The following CR1 variants were observed in gnomAD, a reference collection of about 807,000 sequenced individuals.
The protein encoded by CR1 is complement receptor type 1.
A neutral mutation model predicts 187.3 loss-of-function variants in CR1; 116 were observed. That is an observed-to-expected ratio of 0.62 (90% CI 0.53 to 0.72). The LOEUF is 0.72. CR1 is among the 30% of genes least tolerant of loss of function. The pLI, the probability that CR1 is intolerant of heterozygous loss-of-function variation, is 0.00. For synonymous variants in CR1, 576 were observed against 747.1 expected (o/e 0.77, Z 3.73); for missense variants, 1,731 against 2,110.7 (o/e 0.82, Z 3.52).
intron 46 of CR1, among the ~76,000 whole-genome samples, chr1:207,631,373 A>G (rs1376370616): frequency 6.6e-6 from 1 of 152,110 alleles, no homozygotes; most frequent in African/African-American, 2.4e-5. Context: ...GCCACACCCA[A>G]TCGTTTGTCT....
chr1:207,622,191 A>G (rs991412937), intron 44 of CR1, among the ~76,000 whole-genome samples, 195 bp downstream of exon 44: 1 of 152,270 alleles, frequency 6.6e-6, no homozygotes, highest in African/African-American at 2.4e-5. Flanking sequence ...TGGCATCGTC[A>G]TATGCATACT....
At position 207,587,428 on chromosome 1, in the gene CR1, C is replaced by T. The variant is rs3737002; in HGVS notation, c.5573C>T (p.Thr1858Met). The change falls in exon 34 of 47, where the codon ACG becomes ATG. Residue 1858 changes from threonine to methionine, a missense_variant. By Grantham distance (81) the Thr-to-Met change is moderately conservative. This residue lies in a region of CR1 where 1,312 missense variants were observed against 1,379.6 expected (regional missense o/e 0.95). Coordinates refer to ENST00000367049, the MANE Select transcript of CR1 (RefSeq NM_000651.6). ...TPEQFPFASP[T>M]IPINDFEFPV... ...GAGCAGTTTCCATTTGCCAGTCCTA[C>T]GATCCCAATTAATGACTTTGAGTTT... The T allele has an allele frequency of 0.28, 444,360 of 1,613,346 alleles. 64,072 individuals are homozygous for T. Among genetic ancestry groups the T allele is most frequent in the East Asian group, 0.35 (15,504 of 44,862 alleles).
At chr1:207,617,252 A>G (rs1662126384) in intron 41 of CR1, among the ~76,000 whole-genome samples, 1 of 151,520 alleles carries the variant, frequency 6.6e-6, no homozygotes, top group Non-Finnish European at 1.5e-5. Flanking sequence ...AATTTGAGAA[A>G]CTCAGATGTA....
At chr1:207,523,277 A>C (rs1660053927) in intron 4 of CR1, among the ~76,000 whole-genome samples, 1 of 152,216 alleles carries the variant, frequency 6.6e-6, no homozygotes, top group Non-Finnish European at 1.5e-5. Context: ...TTGGTTAATA[A>C]CAAAAATGGA....
chr1:207,523,278 C>G (rs1172502596), intron 4 of CR1, among the ~76,000 whole-genome samples: 1 of 151,726 alleles, frequency 6.6e-6, no homozygotes, highest in Non-Finnish European at 1.5e-5. Context: ...TGGTTAATAA[C>G]AAAAATGGAA....
rs529566156 is a variant in CR1 at position 207,616,698 on chromosome 1, C to T, written c.6785C>T (p.Thr2262Ile). ...ACDTHPDRGM[T>I]FNLIGESSIR... Reference sequence around the variant, plus strand: ...GACACCCACCCAGACAGAGGGATGACCTTCAACCTCATTGGGGAGAGCTCC... The same window carrying T: ...GACACCCACCCAGACAGAGGGATGATCTTCAACCTCATTGGGGAGAGCTCC... Residue 2262 changes from threonine (T) to isoleucine (I), a missense_variant, in exon 41 of 47, where the codon ACC becomes ATC. Transcript: ENST00000367049. 9 of 1,613,938 alleles carry T rather than the reference C, an allele frequency of 5.6e-6. No homozygotes were observed. In the South Asian group the frequency reaches 8.8e-5, roughly 16 times the overall value.
At chr1:207,584,954 A>G in intron 33 of CR1, 78 bp downstream of exon 33, 2 of 1,571,026 alleles carry the variant, frequency 1.3e-6, no homozygotes, top group Non-Finnish European at 1.7e-6. Context: ...TAATAAGACT[A>G]TGGTATTTGT....
chr1:207,503,272 A>G (rs902610182), intron 1 of CR1, among the ~76,000 whole-genome samples: 1 of 152,216 alleles, frequency 6.6e-6, no homozygotes, highest in Non-Finnish European at 1.5e-5. Flanking sequence ...AGTAGAAGAC[A>G]TTGGGTTCAA....
At chr1:207,576,364 G>A (rs1259130059) in intron 28 of CR1, among the ~76,000 whole-genome samples, 3 of 152,194 alleles carry the variant, frequency 2.0e-5, no homozygotes, top group South Asian at 4.1e-4. Context: ...AAGATCAGAC[G>A]AGATTGGGCG....
intron 24 of CR1, among the ~76,000 whole-genome samples, chr1:207,566,296 C>T (rs903588932): frequency 6.8e-6 from 1 of 146,188 alleles, no homozygotes; most frequent in Admixed American, 6.7e-5. Flanking sequence ...TCTCCCCTTT[C>T]TTCTTTCCTT....
intron 4 of CR1, among the ~76,000 whole-genome samples, chr1:207,522,975 A>G (rs183725676): frequency 6.6e-6 from 1 of 152,152 alleles, no homozygotes; most frequent in Non-Finnish European, 1.5e-5. Context: ...TCAAACTTAG[A>G]TTTGATGAAA....
chr1:207,624,471 A>G (rs1361612659), intron 45 of CR1, among the ~76,000 whole-genome samples: 1 of 152,192 alleles, frequency 6.6e-6, no homozygotes, highest in Non-Finnish European at 1.5e-5. Flanking sequence ...TATTCTAAAC[A>G]AGTACAGTTT....
chr1:207,588,665 C>T lies in CR1; in HGVS notation c.5711-10C>T, dbSNP rs759303802. ...CTATATTTAATCCCAAATTCTGCTT[C>T]TTCCCCTAGGAAAATCATGTGGACC... On this transcript the variant is annotated splice_polypyrimidine_tract_variant and intron_variant, in intron 34 of 46. Transcript: ENST00000367049. 6.3e-7 allele frequency: 1 copy of T among 1,596,184 alleles called. No homozygotes were observed. Among genetic ancestry groups the T allele is most frequent in the Non-Finnish European group, 8.6e-7 (1 of 1,164,724 alleles).
At chr1:207,628,247 G>T (rs1259181649) in intron 45 of CR1, among the ~76,000 whole-genome samples, 1 of 152,014 alleles carries the variant, frequency 6.6e-6, no homozygotes, top group East Asian at 1.9e-4. Context: ...ACTATCTCCT[G>T]CCTTCTTGGT....
Position 207,565,112 on chromosome 1 carries a change from A to G in CR1, c.3867-726A>G, listed in dbSNP as rs577120116. Among the ~76,000 whole-genome samples, 90 of 149,804 alleles carry G rather than the reference A, an allele frequency of 6.0e-4. 8 individuals carry two copies. Among genetic ancestry groups the G allele is most frequent in the African/African-American group, 2.3e-3 (89 of 39,396 alleles). ...TGTTTATGTCCATCTAGTGCTCTTCACAGCGTGCACATCTCTACACAGGAG... is the reference window on the plus strand; with the variant it reads ...TGTTTATGTCCATCTAGTGCTCTTCGCAGCGTGCACATCTCTACACAGGAG... On this transcript the variant is annotated intron_variant, in intron 23 of 46. Transcript: ENST00000367049.
intron 35 of CR1, among the ~76,000 whole-genome samples, chr1:207,591,718 A>T (rs1051421492): frequency 6.6e-5 from 10 of 150,666 alleles, no homozygotes; most frequent in Middle Eastern, 6.8e-3. Context: ...ATAAAGAAAA[A>T]GAGAGAAGAA....
intron 39 of CR1, among the ~76,000 whole-genome samples, chr1:207,612,493 T>C (rs1048906618): frequency 6.6e-6 from 1 of 152,228 alleles, no homozygotes; most frequent in African/African-American, 2.4e-5. Flanking sequence ...TTTAACCCAA[T>C]AATATATCTT....
intron 35 of CR1, among the ~76,000 whole-genome samples, chr1:207,601,934 A>G (rs573695346): frequency 6.7e-4 from 102 of 152,180 alleles, no homozygotes; most frequent in Non-Finnish European, 1.3e-3. Context: ...TCCTCACTAC[A>G]TGGGCTTCTC....
intron 33 of CR1, among the ~76,000 whole-genome samples, chr1:207,585,542 G>A (rs1661088488): frequency 6.6e-6 from 1 of 152,288 alleles, no homozygotes; most frequent in East Asian, 1.9e-4. Flanking sequence ...GTCCTTCAGG[G>A]CAAACATTAG....
Sources: gnomAD v4.1 joint callset for allele counts (sites outside exome capture counted in the v4.1 genomes callset) on GRCh38, gnomAD v4.1.1 for gene constraint, gnomAD v4.1.1 regional missense constraint, MANE v1.5 for transcripts, NCBI Gene and HGNC (gene_info 2026-07-23, HGNC 2026-07-21) for gene names.